The following SFI1 variants were observed in gnomAD, a reference collection of about 807,000 sequenced individuals.
SFI1 encodes SFI1 centrin binding protein.
SFI1 carries 195 observed loss-of-function variants against 207.5 expected under a neutral mutation model. That is an observed-to-expected ratio of 0.94 (90% CI 0.84 to 1.06). SFI1 has a LOEUF of 1.06. SFI1 is among the 50% of genes least tolerant of loss of function. The pLI is 0.00. For missense variants in SFI1, 1,634 were observed against 1,588.0 expected (o/e 1.03, Z -0.49); for synonymous variants, 630 against 598.9 (o/e 1.05, Z -0.76).
chr22:31,554,049 G>T (rs1403568637), intron 6 of SFI1, among the ~76,000 whole-genome samples: 1 of 151,052 alleles, frequency 6.6e-6, no homozygotes, highest in East Asian at 2.0e-4. Context: ...TGTTGCCCAG[G>T]CTGGTCTGAA....
chr22:31,612,426 T>TATATATATATATATATATATAA (rs1491348905), intron 24 of SFI1: 29 of 99,856 alleles, frequency 2.9e-4, no homozygotes, highest in East Asian at 2.5e-3. Flanking sequence ...TATATATATA[T>TATATATATATATATATATATAA]AATCAGTGGG....
At chr22:31,585,032 A>G in intron 13 of SFI1, 36 bp from the exon 14 acceptor site, 1 of 1,602,968 alleles carries the variant, frequency 6.2e-7, no homozygotes, top group Non-Finnish European at 8.5e-7. Flanking sequence ...AGTTTTAAAA[A>G]CTTGAAACCT....
At chr22:31,565,304 A>G (rs2062175295) in intron 8 of SFI1, among the ~76,000 whole-genome samples, 1 of 152,064 alleles carries the variant, frequency 6.6e-6, no homozygotes, top group South Asian at 2.1e-4. Context: ...AACATGTGGT[A>G]CACTCCTGTA....
intron 12 of SFI1, among the ~76,000 whole-genome samples, chr22:31,582,375 C>T (rs1023246950): frequency 6.7e-6 from 1 of 148,372 alleles, no homozygotes; most frequent in Non-Finnish European, 1.5e-5. Flanking sequence ...CCTCAGCCTC[C>T]CAGGTAGCTG....
intron 14 of SFI1, among the ~76,000 whole-genome samples, chr22:31,586,949 T>C (rs904795869): frequency 6.6e-6 from 1 of 152,250 alleles, no homozygotes. Flanking sequence ...CCTCTTGGTA[T>C]AGGTATCCCA....
chr22:31,580,702 C>T (rs2064043350), intron 12 of SFI1, among the ~76,000 whole-genome samples: 1 of 151,992 alleles, frequency 6.6e-6, no homozygotes, highest in Non-Finnish European at 1.5e-5. Flanking sequence ...GCCACTACAC[C>T]TTCCTAATTT....
intron 15 of SFI1, among the ~76,000 whole-genome samples, chr22:31,592,962 G>A (rs1318955186): frequency 8.3e-6 from 1 of 120,416 alleles, no homozygotes; most frequent in Non-Finnish European, 1.7e-5. Flanking sequence ...CCTCCCGGAC[G>A]GGGCGGCTGG....
intron 7 of SFI1, among the ~76,000 whole-genome samples, chr22:31,558,549 A>T (rs192962388): frequency 4.6e-5 from 7 of 151,454 alleles, no homozygotes; most frequent in Non-Finnish European, 1.0e-4. Context: ...GCTCACTGCA[A>T]CCTTCTGGGT....
At chr22:31,548,794 G>C (rs553134013) in intron 5 of SFI1, among the ~76,000 whole-genome samples, 1 of 151,692 alleles carries the variant, frequency 6.6e-6, no homozygotes, top group South Asian at 2.1e-4. Context: ...GGACGACAGA[G>C]TGAGACTCTG....
intron 14 of SFI1, among the ~76,000 whole-genome samples, chr22:31,585,888 CAG>C (rs368486218): frequency 1.3e-5 from 2 of 152,282 alleles, no homozygotes; most frequent in East Asian, 1.9e-4. Flanking sequence ...GGCAGTGAAA[CAG>C]AGGAAGACAC....
rs146824695 is a variant in SFI1, at chr22:31,519,017, C to G, written c.93-9673C>G. ...TTCTTCCAGACTATGCCCTGTGCCC[C>G]TCTTCCCTTTGTTGATTTGCTTTGC... On this transcript the variant is annotated intron_variant, in intron 2 of 32. Transcript: ENST00000400288. Among the ~76,000 whole-genome samples, 45 of 152,282 alleles carry G rather than the reference C, an allele frequency of 3.0e-4. No individual in the cohort carries two copies. The East Asian group carries it at 4.0e-3, about 14-fold the overall frequency.
intron 22 of SFI1, among the ~76,000 whole-genome samples, chr22:31,609,419 G>C (rs546711607): frequency 3.3e-4 from 51 of 152,292 alleles, no homozygotes; most frequent in Non-Finnish European, 6.8e-4. Context: ...AACACAGCTA[G>C]GGGTCCCATA....
At chr22:31,582,550 C>T (rs1321905607) in intron 12 of SFI1, among the ~76,000 whole-genome samples, 1 of 151,870 alleles carries the variant, frequency 6.6e-6, no homozygotes, top group South Asian at 2.1e-4. Context: ...CGACACCCGG[C>T]CTATTATATT....
intron 2 of SFI1, among the ~76,000 whole-genome samples, chr22:31,525,522 G>T (rs939359221): frequency 3.3e-5 from 5 of 152,138 alleles, no homozygotes; most frequent in Admixed American, 1.3e-4. Context: ...GAGCCTGGGA[G>T]TTCAAGACCA....
rs547979572 is a variant in SFI1, at chr22:31,610,164, G to C, written c.2255-979G>C. On this transcript the variant is annotated intron_variant, in intron 22 of 32. Transcript: ENST00000400288. ...CTCAGGCACACCTTGGCAGGCCAAG[G>C]GTGGGACTGGGAGGAGGGACTGAGG... Among the ~76,000 whole-genome samples, 3 of 152,300 alleles carry C rather than the reference G, an allele frequency of 2.0e-5. No individual in the cohort carries two copies. The South Asian group carries it at 6.2e-4, about 32-fold the overall frequency.
chr22:31,567,546 A>G (rs1443482033), intron 8 of SFI1, among the ~76,000 whole-genome samples: 2 of 149,600 alleles, frequency 1.3e-5, no homozygotes, highest in African/African-American at 4.9e-5. Flanking sequence ...ATATATATGA[A>G]TGTGTGTCTG....
At chr22:31,572,941 C>T in intron 8 of SFI1, 117 bp from the exon 9 acceptor site, 1 of 1,055,938 alleles carries the variant, frequency 9.5e-7, no homozygotes, top group Non-Finnish European at 1.4e-6. Flanking sequence ...ATTGCCACTT[C>T]CTTGTTTCTA....
intron 6 of SFI1, among the ~76,000 whole-genome samples, chr22:31,551,408 T>C (rs1025520743): frequency 2.6e-5 from 4 of 152,206 alleles, no homozygotes; most frequent in Non-Finnish European, 4.4e-5. Flanking sequence ...CCAGTGATCT[T>C]TCCCCTGTCT....
At chr22:31,555,640 C>T (rs557120951) in intron 6 of SFI1, among the ~76,000 whole-genome samples, 1 of 152,304 alleles carries the variant, frequency 6.6e-6, no homozygotes, top group South Asian at 2.1e-4. Flanking sequence ...ATCTCATTTA[C>T]ACTTTCCAAA....
Sources: allele counts gnomAD v4.1 joint callset (sites outside exome capture counted in the v4.1 genomes callset), GRCh38; gene constraint gnomAD v4.1.1; transcripts MANE v1.5; gene names NCBI Gene and HGNC (gene_info 2026-07-23, HGNC 2026-07-21).